The following GRAMD1B variants were observed in gnomAD, a reference collection of about 807,000 sequenced individuals.
GRAMD1B encodes the protein GRAM domain containing 1B.
In GRAMD1B, 37 loss-of-function variants were observed where a neutral mutation model predicts 99.7. The ratio of observed to expected loss-of-function variants is 0.37; its 90% confidence interval spans 0.29 to 0.49. The LOEUF is 0.49. GRAMD1B is among the 20% of genes least tolerant of loss of function. The pLI, the probability that GRAMD1B is intolerant of heterozygous loss-of-function variation, is 0.98. For missense variants in GRAMD1B, 888 were observed against 1,009.2 expected, an observed-to-expected ratio of 0.88 and a Z score of 1.63; for synonymous variants, 427 against 387.6, an observed-to-expected ratio of 1.10 and a Z score of -1.19.
intron 2 of GRAMD1B, among the ~76,000 whole-genome samples, chr11:123,522,296 G>A (rs761253476): frequency 6.9e-4 from 105 of 152,260 alleles, no homozygotes; most frequent in Middle Eastern, 3.4e-3. Flanking sequence ...TCAAAGCTAT[G>A]TTTGGATCAC....
At chr11:123,372,803 A>G (rs1946570204) in intron 1 of GRAMD1B, among the ~76,000 whole-genome samples, 1 of 152,200 alleles carries the variant, frequency 6.6e-6, no homozygotes, top group African/African-American at 2.4e-5. Flanking sequence ...ATTATTTATA[A>G]TATGTCACTC....
chr11:123,497,274 A>G (rs1939391061), intron 2 of GRAMD1B, among the ~76,000 whole-genome samples: 1 of 152,222 alleles, frequency 6.6e-6, no homozygotes, highest in South Asian at 2.1e-4. Flanking sequence ...AAACAAATGC[A>G]GTTTCTCACT....
chr11:123,443,477 G>C (rs1487937399), intron 1 of GRAMD1B, among the ~76,000 whole-genome samples: 1 of 152,190 alleles, frequency 6.6e-6, no homozygotes, highest in Non-Finnish European at 1.5e-5. Context: ...ATACATGTGA[G>C]GTATATATTG....
intron 2 of GRAMD1B, among the ~76,000 whole-genome samples, chr11:123,528,693 T>C (rs1565333209): frequency 6.6e-6 from 1 of 152,180 alleles, no homozygotes; most frequent in African/African-American, 2.4e-5. Context: ...ACACCGGCTT[T>C]TTTTTTTATG....
chr11:123,490,765 A>G (rs1205741281), intron 2 of GRAMD1B, among the ~76,000 whole-genome samples: 2 of 152,168 alleles, frequency 1.3e-5, no homozygotes, highest in African/African-American at 4.8e-5. Context: ...GTAAGGAAGC[A>G]GAGTTTTAGA....
intron 2 of GRAMD1B, among the ~76,000 whole-genome samples, chr11:123,576,574 A>T (rs1948737667): frequency 6.6e-6 from 1 of 152,176 alleles, no homozygotes; most frequent in Non-Finnish European, 1.5e-5. Context: ...ATAAGCCTTG[A>T]TGTAAGTGGA....
chr11:123,424,612 C>T (rs533722826), intron 1 of GRAMD1B, among the ~76,000 whole-genome samples: 16 of 152,266 alleles, frequency 1.1e-4, no homozygotes, highest in Non-Finnish European at 1.9e-4. Context: ...TGAGTTTTCA[C>T]TCCTCAATGC....
intron 2 of GRAMD1B, chr11:123,560,775 C>G (rs1946679155): frequency 6.7e-6 from 3 of 448,848 alleles, no homozygotes; most frequent in Admixed American, 4.7e-5. Flanking sequence ...AGCGGTGGCT[C>G]TGTCCTGGGG....
chr11:123,543,620 G>T (rs1438510650), intron 2 of GRAMD1B, among the ~76,000 whole-genome samples: 2 of 152,248 alleles, frequency 1.3e-5, no homozygotes, highest in Non-Finnish European at 2.9e-5. Flanking sequence ...CAGTGCAGTT[G>T]GCTGGTGTTA....
intron 1 of GRAMD1B, among the ~76,000 whole-genome samples, chr11:123,419,547 C>A (rs1948348002): frequency 1.3e-5 from 2 of 152,092 alleles, no homozygotes; most frequent in African/African-American, 4.8e-5. Context: ...AGGAGGATTG[C>A]CTGAGGCCAG....
At chr11:123,460,982 A>G (rs1326461401) in intron 1 of GRAMD1B, among the ~76,000 whole-genome samples, 1 of 151,940 alleles carries the variant, frequency 6.6e-6, no homozygotes, top group Non-Finnish European at 1.5e-5. Context: ...TGTCTTTCCC[A>G]CCTCGTGACC....
chr11:123,393,517 T>C (rs184346758), intron 1 of GRAMD1B, among the ~76,000 whole-genome samples: 16 of 152,240 alleles, frequency 1.1e-4, no homozygotes, highest in African/African-American at 2.4e-4. Context: ...AGTTCCAAGA[T>C]GGCACACTCA....
At chr11:123,531,400 A>T (rs1943354356) in intron 2 of GRAMD1B, among the ~76,000 whole-genome samples, 1 of 143,898 alleles carries the variant, frequency 6.9e-6, no homozygotes, top group East Asian at 2.2e-4. Context: ...AGCAATAAAC[A>T]TTATTTGCTT....
chr11:123,439,296 G>A (rs1471749204), intron 1 of GRAMD1B, among the ~76,000 whole-genome samples: 1 of 152,190 alleles, frequency 6.6e-6, no homozygotes, highest in African/African-American at 2.4e-5. Flanking sequence ...AGGGAAGCAG[G>A]ATGGTGATGC....
chr11:123,381,125 C>T (rs1176460333), intron 1 of GRAMD1B, among the ~76,000 whole-genome samples: 1 of 152,146 alleles, frequency 6.6e-6, no homozygotes, highest in East Asian at 1.9e-4. Flanking sequence ...GTCTCCCTCA[C>T]TCCTCCGCCA....
chr11:123,410,756 G>A (rs567303522), intron 1 of GRAMD1B, among the ~76,000 whole-genome samples: 9 of 152,142 alleles, frequency 5.9e-5, no homozygotes, highest in Admixed American at 5.9e-4. Flanking sequence ...GTAGGGAGAG[G>A]CTGTGCTAGA....
intron 10 of GRAMD1B, 113 bp from the exon 11 acceptor site, chr11:123,606,496 G>A (rs916175475): frequency 8.6e-6 from 8 of 928,690 alleles, no homozygotes. Flanking sequence ...CTTCGCTCCT[G>A]AGCAGCTGAG....
At chr11:123,381,435 T>G (rs1265607585) in intron 1 of GRAMD1B, 1 of 154,408 alleles carries the variant, frequency 6.5e-6, no homozygotes, top group Non-Finnish European at 1.5e-5. Context: ...GTCTTCCTCT[T>G]ATTAGACAGA....
chr11:123,544,020 A>G (rs1052760668), intron 2 of GRAMD1B, among the ~76,000 whole-genome samples: 1 of 152,120 alleles, frequency 6.6e-6, no homozygotes, highest in African/African-American at 2.4e-5. Context: ...TTGTTTTTCC[A>G]CAAGACTCAT....
Sources: gnomAD v4.1 joint callset for allele counts (sites outside exome capture counted in the v4.1 genomes callset) on GRCh38, gnomAD v4.1.1 for gene constraint, MANE v1.5 for transcripts, NCBI Gene and HGNC (gene_info 2026-07-23, HGNC 2026-07-21) for gene names.